Variants in NSD1 observed in about 807,000 individuals in gnomAD.
NSD1 encodes the protein nuclear receptor binding SET domain protein 1, also known as histone-lysine N-methyltransferase, H3 lysine-36 specific.
NSD1 carries 26 observed loss-of-function variants against 242.7 expected under a neutral mutation model. The observed-to-expected ratio is 0.11, with a 90% CI of 0.08 to 0.15. The LOEUF (loss-of-function observed/expected upper bound fraction) is 0.15, where lower values mean the gene tolerates loss of function less well. NSD1 is among the 10% of genes least tolerant of loss of function. The pLI is 1.00. For missense variants in NSD1, 2,495 were observed against 3,272.8 expected, an observed-to-expected ratio of 0.76 and a Z score of 5.80; for synonymous variants, 1,106 against 1,178.1, an observed-to-expected ratio of 0.94 and a Z score of 1.25.
chr5:177,185,680 T>A (rs2149813207), intron 2 of NSD1, among the ~76,000 whole-genome samples: 1 of 122,304 alleles, frequency 8.2e-6, no homozygotes, highest in South Asian at 2.2e-4. Context: ...ATATATATAA[T>A]ATATATTTGT....
At chr5:177,143,771 G>A (rs1757009033) in intron 2 of NSD1, among the ~76,000 whole-genome samples, 1 of 148,792 alleles carries the variant, frequency 6.7e-6, no homozygotes. Context: ...TTAAGTCTAT[G>A]ATACAAGATA....
In NSD1 at chr5:177,134,113, C is replaced by T. The variant is rs1398117270; in HGVS notation, c.-18+161C>T. ...CCGGCGGCGCTGCAGCCGCCGGCCT[C>T]CTCCCCCTCCCCCTCCTCCATCACT... On this transcript the variant is annotated intron_variant, in intron 1 of 22. Transcript: ENST00000439151. The surrounding 1 kb of genome is among the most constrained non-coding windows in gnomAD (Gnocchi z 4.2). 6.6e-6 allele frequency: 1 copy of T among 150,458 alleles called. No homozygotes were observed. Among genetic ancestry groups the T allele is most frequent in the Non-Finnish European group, 1.5e-5 (1 of 67,350 alleles). 9.3% of individuals were successfully genotyped at this position (150,458 alleles called of 1,614,324 possible). A position where few individuals can be genotyped will look rare whatever the true frequency, so the allele number is the denominator to read the frequency against.
chr5:177,191,226 T>A (rs146321905), intron 2 of NSD1, among the ~76,000 whole-genome samples: 3,852 of 152,188 alleles, frequency 0.025, 48 homozygotes, highest in African/African-American at 0.029. Context: ...TGCCTCGGCC[T>A]CCCAAAGTGC....
intron 5 of NSD1, among the ~76,000 whole-genome samples, chr5:177,220,075 A>G (rs540201775): frequency 1.1e-4 from 17 of 152,264 alleles, no homozygotes; most frequent in African/African-American, 2.6e-4. Context: ...GTTATATGCA[A>G]TTGTTCAAGT....
rs571501986 is a variant in NSD1 at position 177,289,046 on chromosome 5, A to G, written c.6258+121A>G. On this transcript the variant is annotated intron_variant, in intron 21 of 22. Coordinates refer to ENST00000439151, the MANE Select transcript of NSD1 (RefSeq NM_022455.5). ...TGAAATTAATGACATTCAGCCAGGC[A>G]TGGTGGCTCATGCCTGTAATCCCAG... 82 of 757,660 alleles carry G rather than the reference A, an allele frequency of 1.1e-4. No individual in the cohort carries two copies. The South Asian group carries it at 1.2e-3, about 11-fold the overall frequency. 46.9% of individuals were successfully genotyped at this position (757,660 alleles called of 1,614,324 possible). A position where few individuals can be genotyped will look rare whatever the true frequency, so the allele number is the denominator to read the frequency against.
At chr5:177,174,401 CAG>C (rs1046159749) in intron 2 of NSD1, among the ~76,000 whole-genome samples, 8 of 152,014 alleles carry the variant, frequency 5.3e-5, no homozygotes, top group African/African-American at 1.7e-4. Context: ...TTAGTAGAGA[CAG>C]GGCTTCGCCA....
Position 177,209,791 on chromosome 5 carries a change from T to C in NSD1, c.1392T>C (p.Pro464=), listed in dbSNP as rs1763185262. The change falls in exon 5 of 23, where the codon CCT becomes CCC. Residue 464 remains proline, a synonymous_variant. Coordinates refer to ENST00000439151, the MANE Select transcript of NSD1 (RefSeq NM_022455.5). ...CATTTGAAGACTGCACAAATGATCC[T>C]GAGTCAGAACATGACCTGTTGCTTA... ...DMPFEDCTND[P]ESEHDLLLNG... is the part of the protein sequence containing the mutation. 1 of 1,614,062 alleles carries C rather than the reference T, an allele frequency of 6.2e-7. No individual in the cohort carries two copies. Among genetic ancestry groups the C allele is most frequent in the African/African-American group, 1.3e-5 (1 of 74,940 alleles).
intron 17 of NSD1, among the ~76,000 whole-genome samples, chr5:177,278,961 C>A (rs1213092779): frequency 6.6e-6 from 1 of 152,180 alleles, no homozygotes; most frequent in African/African-American, 2.4e-5. Flanking sequence ...AACTGTTTGA[C>A]CTTCATGTTT....
chr5:177,181,862 T>A (rs1760717268), intron 2 of NSD1, among the ~76,000 whole-genome samples: 1 of 146,184 alleles, frequency 6.8e-6, no homozygotes, highest in Non-Finnish European at 1.5e-5. Context: ...CATAAAAATT[T>A]AAAAAATTAG....
intron 16 of NSD1, among the ~76,000 whole-genome samples, chr5:177,273,227 C>G (rs944781603): frequency 4.7e-4 from 68 of 143,736 alleles, no homozygotes; most frequent in Non-Finnish European, 8.2e-4. Context: ...GTTGTCTAAT[C>G]TTTTGGCTTC....
Position 177,269,501 on chromosome 5 carries a change from A to G in NSD1, c.5304-101A>G, listed in dbSNP as rs1027119134. On this transcript the variant is annotated intron_variant, in intron 15 of 22. Coordinates refer to ENST00000439151, the MANE Select transcript of NSD1 (RefSeq NM_022455.5). This position sits in a 1 kb window ranked among gnomAD's most constrained non-coding sequence, Gnocchi z 5.1. ...TGCCGTAAGATGGACTTTAATGTGG[A>G]CAGACAGACATTGCTAATCCTTACT... is the stretch of plus-strand genomic sequence containing the variant. 4 of 1,003,402 alleles carry G rather than the reference A, an allele frequency of 4.0e-6. No homozygotes were observed. The African/African-American group carries it at 4.8e-5, about 12-fold the overall frequency. 62.2% of individuals were successfully genotyped at this position (1,003,402 alleles called of 1,614,324 possible).
At position 177,163,165 on chromosome 5, in the gene NSD1, C is replaced by T. The variant is rs185849565; in HGVS notation, c.927+27135C>T. Among the ~76,000 whole-genome samples, 760 of 132,026 alleles carry T rather than the reference C, an allele frequency of 5.8e-3. 4 individuals are homozygous for T. The highest frequency in any genetic ancestry group is 7.7e-3 in the Non-Finnish European group (488 of 63,660). The allele number at this position is 132,026 out of a possible 152,430, so 86.6% of individuals were successfully genotyped here. On this transcript the variant is annotated intron_variant, in intron 2 of 22. Transcript: ENST00000439151. ...CTCTTTTTTTTTTTTTTTTTTGAGA[C>T]GGAGTCTCGTTCTGTTGCCAAGTCT...
chr5:177,219,534 T>C lies in NSD1; in HGVS notation c.3796+7339T>C, dbSNP rs758980710. ...CCCTTGTGATTTCTTCTTTCTTCCA[T>C]TGATTGTTCAAGAGTTTGTTGTTTA... On this transcript the variant is annotated intron_variant, in intron 5 of 22. Coordinates refer to ENST00000439151, the MANE Select transcript of NSD1 (RefSeq NM_022455.5). Among the ~76,000 whole-genome samples, 78 of 152,330 alleles carry C rather than the reference T, an allele frequency of 5.1e-4. No individual in the cohort carries two copies. The Middle Eastern group carries it at 0.02, about 40-fold the overall frequency.
At chr5:177,285,241 C>T (rs1466230136) in intron 20 of NSD1, among the ~76,000 whole-genome samples, 1 of 152,110 alleles carries the variant, frequency 6.6e-6, no homozygotes, top group African/African-American at 2.4e-5. Flanking sequence ...ATGCATGTAA[C>T]ACCCTCCAAA....
At chr5:177,265,686 C>G in intron 14 of NSD1, 1 of 1,609,618 alleles carries the variant, frequency 6.2e-7, no homozygotes, top group East Asian at 2.2e-5. Context: ...CCGATGGTGC[C>G]GAAGATCTCC....
At chr5:177,176,775 T>C (rs1760243153) in intron 2 of NSD1, among the ~76,000 whole-genome samples, 1 of 152,208 alleles carries the variant, frequency 6.6e-6, no homozygotes, top group African/African-American at 2.4e-5. Flanking sequence ...CAACTTTGTT[T>C]TATATTTTGC....
At chr5:177,224,367 A>T (rs1690672530) in intron 5 of NSD1, among the ~76,000 whole-genome samples, 3 of 152,142 alleles carry the variant, frequency 2.0e-5, no homozygotes, top group Admixed American at 2.0e-4. Flanking sequence ...TTTTCAGTGT[A>T]TAAATTCTGC....
chr5:177,152,392 A>G (rs1311558087), intron 2 of NSD1, among the ~76,000 whole-genome samples: 1 of 150,010 alleles, frequency 6.7e-6, no homozygotes, highest in African/African-American at 2.5e-5. Flanking sequence ...TTTTTTTGGA[A>G]CTGCATCTCA....
At chr5:177,257,530 C>G (rs1008128969) in intron 13 of NSD1, among the ~76,000 whole-genome samples, 2 of 151,956 alleles carry the variant, frequency 1.3e-5, no homozygotes, top group Non-Finnish European at 2.9e-5. Context: ...TGCGCCCGGC[C>G]GGCAACAGAT....
Sources: gnomAD v4.1 joint callset for allele counts (sites outside exome capture counted in the v4.1 genomes callset) on GRCh38, gnomAD v4.1.1 for gene constraint, Gnocchi (gnomAD v3.1) non-coding constraint, MANE v1.5 for transcripts, NCBI Gene and HGNC (gene_info 2026-07-23, HGNC 2026-07-21) for gene names.